GSG1L: variants seen among roughly 807,000 people sequenced by gnomAD.
The protein encoded by GSG1L is germ cell-specific gene 1-like protein.
Under a neutral mutation model 42.1 loss-of-function variants are expected in GSG1L, and 24 were observed. That is an observed-to-expected ratio of 0.57 (90% confidence interval 0.41 to 0.80). The LOEUF is 0.80. Among genes scored for constraint, GSG1L ranks in the 30% least tolerant of loss-of-function variants. The probability of loss-of-function intolerance (pLI) is 0.00; values close to 1 mark genes in which losing one functional copy is unlikely to be tolerated. For missense variants in GSG1L, 445 were observed against 472.2 expected, an observed-to-expected ratio of 0.94 and a Z score of 0.53; for synonymous variants, 215 against 203.5, an observed-to-expected ratio of 1.06 and a Z score of -0.48.
chr16:27,907,051 C>G (rs1246360059), intron 2 of GSG1L, among the ~76,000 whole-genome samples: 1 of 152,218 alleles, frequency 6.6e-6, no homozygotes, highest in African/African-American at 2.4e-5. Context: ...CTAGTATCCT[C>G]AGAGTCTACT....
intron 2 of GSG1L, among the ~76,000 whole-genome samples, chr16:27,943,403 G>T (rs752026396): frequency 2.0e-5 from 3 of 151,706 alleles, no homozygotes; most frequent in Non-Finnish European, 4.4e-5. Context: ...ACAATGAAAA[G>T]AAATAAACTA....
intron 3 of GSG1L, among the ~76,000 whole-genome samples, chr16:27,847,626 C>T (rs2083458660): frequency 1.3e-5 from 2 of 151,730 alleles, no homozygotes; most frequent in South Asian, 4.2e-4. Flanking sequence ...CCACCCAAAT[C>T]TCTCACCGAA....
chr16:27,891,882 A>ATTTTTTTT (rs1224468785), intron 2 of GSG1L, among the ~76,000 whole-genome samples: 1 of 50,506 alleles, frequency 2.0e-5, no homozygotes, highest in Non-Finnish European at 5.0e-5. Context: ...TCAGTGACAG[A>ATTTTTTTT]TCTTTTTTTT....
At chr16:27,946,608 AGAGAGAGAG>A (rs2084868217) in intron 2 of GSG1L, among the ~76,000 whole-genome samples, 8 of 7,118 alleles carry the variant, frequency 1.1e-3, no homozygotes, top group Admixed American at 4.9e-3. Context: ...AGAGAGAGAG[AGAGAGAGAG>A]AGAGAGAGAG....
At chr16:27,871,514 C>T (rs905266786) in intron 3 of GSG1L, among the ~76,000 whole-genome samples, 4 of 152,022 alleles carry the variant, frequency 2.6e-5, no homozygotes, top group South Asian at 2.1e-4. Flanking sequence ...TGGTGGCACA[C>T]GTGGTCCCAG....
At chr16:27,839,468 A>T (rs1350954321) in intron 4 of GSG1L, among the ~76,000 whole-genome samples, 1 of 152,258 alleles carries the variant, frequency 6.6e-6, no homozygotes, top group East Asian at 1.9e-4. Flanking sequence ...AAACAGAAGC[A>T]GAAAGCGCAA....
Position 27,897,658 on chromosome 16 carries a change from G to T in GSG1L, c.398-13020C>A, listed in dbSNP as rs191615062. ...CCGAACCACCCTAGCCCGCACTGTG[G>T]CCCCCACCATGGCCCCTAGATCGAC... is the stretch of plus-strand genomic sequence containing the variant. On this transcript the variant is annotated intron_variant, in intron 2 of 6. Coordinates refer to ENST00000447459, the MANE Select transcript of GSG1L (RefSeq NM_001109763.2). Among the ~76,000 whole-genome samples, 3 of 152,180 alleles carry T rather than the reference G, an allele frequency of 2.0e-5. No individual in the cohort carries two copies. In the East Asian group the frequency reaches 5.8e-4, roughly 29 times the overall value.
chr16:28,009,234 C>G (rs1018320927), intron 1 of GSG1L, among the ~76,000 whole-genome samples: 3 of 152,200 alleles, frequency 2.0e-5, no homozygotes, highest in Non-Finnish European at 4.4e-5. Flanking sequence ...GTGGCTTCCT[C>G]GCAGCTCCCT....
At chr16:27,908,798 G>C (rs923931190) in intron 2 of GSG1L, among the ~76,000 whole-genome samples, 1 of 152,130 alleles carries the variant, frequency 6.6e-6, no homozygotes, top group Non-Finnish European at 1.5e-5. Context: ...TGAATTTTTG[G>C]AGAGGACAAA....
chr16:27,852,801 C>T (rs944677232), intron 3 of GSG1L, among the ~76,000 whole-genome samples: 2 of 152,138 alleles, frequency 1.3e-5, no homozygotes, highest in African/African-American at 4.8e-5. Context: ...GGCCTGAGAA[C>T]AGGCGAGAGG....
intron 1 of GSG1L, among the ~76,000 whole-genome samples, chr16:28,021,184 C>G (rs2085838359): frequency 6.6e-6 from 1 of 152,090 alleles, no homozygotes; most frequent in Non-Finnish European, 1.5e-5. Flanking sequence ...GAGGGGGCAT[C>G]TGCTTGGCTT....
intron 2 of GSG1L, among the ~76,000 whole-genome samples, chr16:27,934,115 C>T (rs2084687512): frequency 6.6e-6 from 1 of 152,184 alleles, no homozygotes; most frequent in Admixed American, 6.5e-5. Context: ...ACAACCTTCC[C>T]CAGCACGCAG....
At chr16:28,009,887 G>A (rs986875422) in intron 1 of GSG1L, among the ~76,000 whole-genome samples, 1 of 152,250 alleles carries the variant, frequency 6.6e-6, no homozygotes, top group Non-Finnish European at 1.5e-5. Flanking sequence ...TATCTTAGCT[G>A]CTGGCACCAG....
At chr16:27,946,862 G>A (rs769978839) in intron 2 of GSG1L, among the ~76,000 whole-genome samples, 7 of 152,132 alleles carry the variant, frequency 4.6e-5, no homozygotes, top group African/African-American at 9.7e-5. Flanking sequence ...GGGGAAATCC[G>A]ACAGGATATT....
intron 1 of GSG1L, among the ~76,000 whole-genome samples, chr16:28,004,939 C>CT (rs1254539694): frequency 6.6e-6 from 1 of 152,150 alleles, no homozygotes; most frequent in Non-Finnish European, 1.5e-5. Flanking sequence ...GCTGCCACAA[C>CT]TAATGACAAG....
chr16:27,867,068 C>T (rs1461379098), intron 3 of GSG1L, among the ~76,000 whole-genome samples: 3 of 152,200 alleles, frequency 2.0e-5, no homozygotes, highest in African/African-American at 4.8e-5. Flanking sequence ...GTTTCTGTAA[C>T]ACTCATTCCT....
intron 6 of GSG1L, among the ~76,000 whole-genome samples, chr16:27,801,063 A>G (rs1283772337): frequency 2.0e-5 from 3 of 152,144 alleles, no homozygotes; most frequent in African/African-American, 7.2e-5. Context: ...CAGCCACACC[A>G]TGATTTAGAG....
chr16:27,958,452 A>G (rs1447914592), intron 2 of GSG1L, among the ~76,000 whole-genome samples: 1 of 151,658 alleles, frequency 6.6e-6, no homozygotes, highest in Non-Finnish European at 1.5e-5. Flanking sequence ...ATCAGTCATC[A>G]TGCGATAGAA....
chr16:28,012,961 A>C (rs907916141), intron 1 of GSG1L, among the ~76,000 whole-genome samples: 2 of 150,996 alleles, frequency 1.3e-5, no homozygotes. Flanking sequence ...GCAGTGGCTC[A>C]CACCTGTAAT....
Sources: allele counts gnomAD v4.1 joint callset (sites outside exome capture counted in the v4.1 genomes callset), GRCh38; gene constraint gnomAD v4.1.1; transcripts MANE v1.5; gene names NCBI Gene and HGNC (gene_info 2026-07-23, HGNC 2026-07-21).